The following GRID2IP variants were observed in gnomAD, a reference collection of about 807,000 sequenced individuals.
GRID2IP encodes the protein delphilin.
A neutral mutation model predicts 114.3 loss-of-function variants in GRID2IP; 78 were observed. The observed-to-expected ratio is 0.68, with a 90% CI of 0.57 to 0.82. GRID2IP has a LOEUF of 0.82. GRID2IP is among the 40% of genes least tolerant of loss of function. The probability of loss-of-function intolerance (pLI) is 0.00; values close to 1 mark genes in which losing one functional copy is unlikely to be tolerated. For synonymous variants in GRID2IP, 809 were observed against 724.0 expected (o/e 1.12, Z -1.89); for missense variants, 1,727 against 1,678.5 (o/e 1.03, Z -0.51).
chr7:6,545,099 A>G (rs1779867726), intron 1 of GRID2IP, among the ~76,000 whole-genome samples: 1 of 152,022 alleles, frequency 6.6e-6, no homozygotes, highest in South Asian at 2.1e-4. Context: ...AAGAAAAAAA[A>G]GAAAGAAAAG....
At chr7:6,518,597 G>A (rs550683672) in intron 7 of GRID2IP, among the ~76,000 whole-genome samples, 4 of 151,904 alleles carry the variant, frequency 2.6e-5, no homozygotes, top group South Asian at 4.2e-4. Context: ...TTAGCTGGGC[G>A]TGGTGGAGAG....
Position 6,498,097 on chromosome 7 carries a change from G to A in GRID2IP, c.3531C>T (p.Phe1177=), listed in dbSNP as rs927935896. The A allele has an allele frequency of 1.2e-5, 18 of 1,551,418 alleles. No individual in the cohort carries two copies. The highest frequency in any genetic ancestry group is 8.2e-5 in the African/African-American group (6 of 73,044). ...DSKATTSEAF[F]GIFAEFMSKF... ...TGCTCATGAACTCTGCAAAGATGCCGAAGAAAGCCTCAGAGGTGGTGGCCT... is the reference window on the plus strand; with the variant it reads ...TGCTCATGAACTCTGCAAAGATGCCAAAGAAAGCCTCAGAGGTGGTGGCCT... Residue 1177 remains phenylalanine, a synonymous_variant, in exon 21 of 22, where the codon TTC becomes TTT. Transcript: ENST00000457091.
At chr7:6,513,785 A>G (rs1779230519) in intron 8 of GRID2IP, among the ~76,000 whole-genome samples, 2 of 152,232 alleles carry the variant, frequency 1.3e-5, no homozygotes, top group African/African-American at 4.8e-5. Flanking sequence ...AATCGGCTGT[A>G]AGACCTCATA....
In GRID2IP at chr7:6,506,912, G is replaced by A. The variant is rs1786608520; in HGVS notation, c.2545-1005C>T. Among the ~76,000 whole-genome samples the A allele has an allele frequency of 6.6e-6, 1 of 151,970 alleles. No homozygotes were observed. The highest frequency in any genetic ancestry group is 2.4e-5 in the African/African-American group (1 of 41,352). ...TGCCCAGACTTGTCTTGAACTCTTA[G>A]GCTCAAGCAGTCCTCCCGCCTCAGC... On this transcript the variant is annotated intron_variant, in intron 13 of 21. Coordinates refer to ENST00000457091, the MANE Select transcript of GRID2IP (RefSeq NM_001145118.2). This position sits in a 1 kb window ranked among gnomAD's most constrained non-coding sequence, Gnocchi z 5.2.
Position 6,536,500 on chromosome 7 carries a change from C to A in GRID2IP, c.584+3218G>T, listed in dbSNP as rs950483145. On this transcript the variant is annotated intron_variant, in intron 2 of 21. Coordinates refer to ENST00000457091, the MANE Select transcript of GRID2IP (RefSeq NM_001145118.2). This position sits in a 1 kb window ranked among gnomAD's most constrained non-coding sequence, Gnocchi z 5.3. ...GGGAAAGGCGGGCATGGGGCTGTCC[C>A]GGGGGGCAGGCGGGCTGGCCCGGGA... 1.3e-5 allele frequency among the ~76,000 whole-genome samples: 2 copies of A among 152,156 alleles called. No homozygotes were observed. The highest frequency in any genetic ancestry group is 4.8e-5 in the African/African-American group (2 of 41,454).
In GRID2IP at chr7:6,551,143, C is replaced by T. The variant is rs1195066385; in HGVS notation, c.294G>A (p.Pro98=). 11 of 1,324,882 alleles carry T rather than the reference C, an allele frequency of 8.3e-6. No individual in the cohort carries two copies. The highest frequency in any genetic ancestry group is 9.6e-6 in the Non-Finnish European group (10 of 1,043,114). 82.1% of individuals were successfully genotyped at this position (1,324,882 alleles called of 1,614,324 possible). A position where few individuals can be genotyped will look rare whatever the true frequency, so the allele number is the denominator to read the frequency against. ...ACCGCGGGGCCCGCAAGACTGTGGT[C>T]GGGGCCGCGGGGCCGGATCCTGGGC... ...GPGPGSGPAA[P]TTVLRAPRCG... is the part of the protein sequence containing the mutation. The change falls in exon 1 of 22, where the codon CCG becomes CCA. Residue 98 remains proline, a synonymous_variant. Coordinates refer to ENST00000457091, the MANE Select transcript of GRID2IP (RefSeq NM_001145118.2).
intron 7 of GRID2IP, among the ~76,000 whole-genome samples, chr7:6,515,101 A>C (rs1258793514): frequency 1.3e-5 from 2 of 152,210 alleles, no homozygotes; most frequent in African/African-American, 4.8e-5. Flanking sequence ...TCTGTGCCTC[A>C]GTTTCCTCAT....
At chr7:6,533,539 T>G (rs1303024336) in intron 2 of GRID2IP, among the ~76,000 whole-genome samples, 1 of 152,032 alleles carries the variant, frequency 6.6e-6, no homozygotes, top group Admixed American at 6.6e-5. Flanking sequence ...TTTAATTTTT[T>G]TGTGTGTAAA....
At chr7:6,548,407 T>C (rs1779918988) in intron 1 of GRID2IP, among the ~76,000 whole-genome samples, 1 of 150,586 alleles carries the variant, frequency 6.6e-6, no homozygotes. Context: ...ACTCAAAAGA[T>C]AAATGCTTGA....
In GRID2IP at chr7:6,514,976, AAG is replaced by A. The variant is rs1032566736; in HGVS notation, c.1269-449_1269-448del. On this transcript the variant is annotated intron_variant, in intron 7 of 21. Transcript: ENST00000457091. Reference sequence around the variant, plus strand: ...CAAAAAAAAAAAAAAAGAAAAGAAAAAGAGAGAGAGAGAGAAGTGGGCAGGAA... The same window carrying A: ...CAAAAAAAAAAAAAAAGAAAAGAAAAAGAGAGAGAGAGAAGTGGGCAGGAA... Among the ~76,000 whole-genome samples the A allele has an allele frequency of 5.3e-5, 8 of 150,006 alleles. No homozygotes were observed. In the South Asian group the frequency reaches 6.4e-4, roughly 12 times the overall value.
chr7:6,507,910 T>TG lies in GRID2IP; in HGVS notation c.2544+74dup. ...ATGATGTTGGAAGATGCCTGGCCGA[T>TG]GGGTTTTCCTTCAGTGCTGCTGCCC... On this transcript the variant is annotated intron_variant, in intron 13 of 21. Coordinates refer to ENST00000457091, the MANE Select transcript of GRID2IP (RefSeq NM_001145118.2). The surrounding 1 kb of genome is among the most constrained non-coding windows in gnomAD (Gnocchi z 5.3). 1 of 1,521,866 alleles carries TG rather than the reference T, an allele frequency of 6.6e-7. No individual in the cohort carries two copies. The highest frequency in any genetic ancestry group is 8.8e-7 in the Non-Finnish European group (1 of 1,133,148). 94.3% of individuals were successfully genotyped at this position (1,521,866 alleles called of 1,614,324 possible). A position where few individuals can be genotyped will look rare whatever the true frequency, so the allele number is the denominator to read the frequency against.
At chr7:6,505,793 T>C in intron 14 of GRID2IP, 27 bp downstream of exon 14, 1 of 1,468,014 alleles carries the variant, frequency 6.8e-7, no homozygotes, top group Non-Finnish European at 9.3e-7. Flanking sequence ...GTATCTGGGG[T>C]TCCCCCAAGG....
chr7:6,540,039 CTT>C (rs973684778), intron 1 of GRID2IP, among the ~76,000 whole-genome samples, 167 bp from the exon 2 acceptor site: 3 of 116,918 alleles, frequency 2.6e-5, no homozygotes, highest in East Asian at 2.1e-4. Flanking sequence ...CTTCCTTTCT[CTT>C]TCTCTCTTCC....
At chr7:6,522,065 G>A in intron 4 of GRID2IP, 108 bp from the exon 5 acceptor site, 1 of 872,758 alleles carries the variant, frequency 1.1e-6, no homozygotes, top group South Asian at 1.5e-5. Context: ...GAGACCCATA[G>A]CTTGCCGGGC....
intron 1 of GRID2IP, among the ~76,000 whole-genome samples, chr7:6,545,671 G>A (rs1779877532): frequency 6.6e-6 from 1 of 152,234 alleles, no homozygotes; most frequent in Non-Finnish European, 1.5e-5. Flanking sequence ...CAGGTGTGAT[G>A]ATCCGGGGTC....
At chr7:6,524,841 C>T (rs1432127186) in intron 4 of GRID2IP, among the ~76,000 whole-genome samples, 10 of 151,812 alleles carry the variant, frequency 6.6e-5, no homozygotes, top group Admixed American at 4.6e-4. Context: ...CTCAGCCTCC[C>T]GAGTAGCTGG....
chr7:6,515,588 G>A (rs1779279650), intron 7 of GRID2IP, among the ~76,000 whole-genome samples: 1 of 151,940 alleles, frequency 6.6e-6, no homozygotes, highest in Non-Finnish European at 1.5e-5. Context: ...GATCAGCTTA[G>A]CCAACATGGT....
Position 6,516,446 on chromosome 7 carries a change from G to C in GRID2IP, c.1269-1917C>G, listed in dbSNP as rs1039506812. 3.3e-5 allele frequency among the ~76,000 whole-genome samples: 5 copies of C among 152,076 alleles called. No individual in the cohort carries two copies. Among genetic ancestry groups the C allele is most frequent in the Admixed American group, 3.3e-4 (5 of 15,270 alleles). ...ACAGAGATAGGAGCTGAAGGGACAC[G>C]GTGAGAAGTGACCAAAAGACAAGAG... On this transcript the variant is annotated intron_variant, in intron 7 of 21. Transcript: ENST00000457091. This position sits in a 1 kb window ranked among gnomAD's most constrained non-coding sequence, Gnocchi z 4.3.
chr7:6,525,680 C>G (rs1042116181), intron 4 of GRID2IP, among the ~76,000 whole-genome samples: 1 of 152,104 alleles, frequency 6.6e-6, no homozygotes, highest in African/African-American at 2.4e-5. Flanking sequence ...ATTTCAGGAA[C>G]AAGAAGGAGC....
Sources: allele counts gnomAD v4.1 joint callset (sites outside exome capture counted in the v4.1 genomes callset), GRCh38; gene constraint gnomAD v4.1.1; non-coding constraint Gnocchi (gnomAD v3.1); transcripts MANE v1.5; gene names NCBI Gene and HGNC (gene_info 2026-07-23, HGNC 2026-07-21).